The following DNAJB14 variants were observed in gnomAD, a reference collection of about 807,000 sequenced individuals.
The protein encoded by DNAJB14 is DnaJ heat shock protein family (Hsp40) member B14.
DNAJB14 carries 22 observed loss-of-function variants against 48.4 expected under a neutral mutation model. The observed-to-expected ratio is 0.45, with a 90% CI of 0.32 to 0.65. DNAJB14 has a LOEUF of 0.65. Among genes scored for constraint, DNAJB14 ranks in the 30% least tolerant of loss-of-function variants. The pLI, the probability that DNAJB14 is intolerant of heterozygous loss-of-function variation, is 0.03. For missense variants in DNAJB14, 319 were observed against 458.8 expected (o/e 0.70, Z 2.78); for synonymous variants, 142 against 158.7 (o/e 0.89, Z 0.79).
chr4:99,938,742 C>T (rs1282175289), intron 1 of DNAJB14, among the ~76,000 whole-genome samples: 1 of 152,046 alleles, frequency 6.6e-6, no homozygotes, highest in Non-Finnish European at 1.5e-5. Context: ...ATTATTCTTG[C>T]AACTTTTCTG....
chr4:99,946,366 G>A (rs1407492313), intron 1 of DNAJB14, 73 bp downstream of exon 1: 1 of 1,546,770 alleles, frequency 6.5e-7, no homozygotes, highest in Non-Finnish European at 8.7e-7. Flanking sequence ...AGGAGGGGCC[G>A]AGGTGGGGGC....
At chr4:99,938,532 T>C (rs1221653763) in intron 1 of DNAJB14, among the ~76,000 whole-genome samples, 1 of 151,856 alleles carries the variant, frequency 6.6e-6, no homozygotes, top group Non-Finnish European at 1.5e-5. Context: ...CTACTGTTAA[T>C]TGGTTCCAGA....
Position 99,946,508 on chromosome 4 carries a change from C to T in DNAJB14, c.64G>A (p.Gly22Ser), listed in dbSNP as rs771164416. Reference sequence around the variant, plus strand: ...AAGCGCTGGGCCTTCTCGCGGTTGCCGGCGTTCAGGGCCTCCCGGGCGATC... The same window carrying T: ...AAGCGCTGGGCCTTCTCGCGGTTGCTGGCGTTCAGGGCCTCCCGGGCGATC... The part of the protein sequence containing the change: ...VEIAREALNA[G>S]NREKAQRFLQ... The change falls in exon 1 of 8, where the codon GGC becomes AGC. Residue 22 changes from glycine to serine, a missense_variant. This residue lies in a region of DNAJB14 where 116 missense variants were observed against 134.6 expected (regional missense o/e 0.86). Coordinates refer to ENST00000442697, the MANE Select transcript of DNAJB14 (RefSeq NM_001031723.4). 1.9e-6 allele frequency: 3 copies of T among 1,613,834 alleles called. No individual in the cohort carries two copies. Among genetic ancestry groups the T allele is most frequent in the Non-Finnish European group, 2.5e-6 (3 of 1,179,812 alleles).
At chr4:99,902,944 C>T (rs1725343321) in intron 7 of DNAJB14, among the ~76,000 whole-genome samples, 1 of 152,114 alleles carries the variant, frequency 6.6e-6, no homozygotes, top group Admixed American at 6.6e-5. Flanking sequence ...TAAATGATAG[C>T]TATTATTTCC....
chr4:99,927,507 T>C (rs1404495144), intron 2 of DNAJB14: 1 of 152,186 alleles, frequency 6.6e-6, no homozygotes, highest in Non-Finnish European at 1.5e-5. Context: ...AATACAATGA[T>C]ACTCCAGTTA....
At chr4:99,931,154 A>C (rs112056540) in intron 1 of DNAJB14, among the ~76,000 whole-genome samples, 1 of 152,204 alleles carries the variant, frequency 6.6e-6, no homozygotes, top group Non-Finnish European at 1.5e-5. Flanking sequence ...ACTAGAGGAT[A>C]CTGTAATATA....
At chr4:99,937,978 C>A (rs1156414135) in intron 1 of DNAJB14, among the ~76,000 whole-genome samples, 2 of 150,120 alleles carry the variant, frequency 1.3e-5, no homozygotes, top group South Asian at 4.2e-4. Flanking sequence ...CTGGCCTAGG[C>A]CAGGCACGGT....
At position 99,946,541 on chromosome 4, in the gene DNAJB14, A is replaced by G. The variant is rs1295936274; in HGVS notation, c.31T>C (p.Cys11Arg). 3 of 1,613,702 alleles carry G rather than the reference A, an allele frequency of 1.9e-6. No homozygotes were observed. The highest frequency in any genetic ancestry group is 2.5e-6 in the Non-Finnish European group (3 of 1,179,762). MEGNRDEAEK[C>R]VEIAREALNA... The stretch of plus-strand genomic sequence containing the variant: ...AGGGCCTCCCGGGCGATCTCGACAC[A>G]TTTCTCAGCCTCATCCCTGTTCCCC... Residue 11 changes from cysteine (C) to arginine (R), a missense_variant, in exon 1 of 8, where the codon TGT becomes CGT. This residue lies in a region of DNAJB14 where 116 missense variants were observed against 134.6 expected (regional missense o/e 0.86). Transcript: ENST00000442697.
chr4:99,900,621 G>A lies in DNAJB14; in HGVS notation c.*407C>T, dbSNP rs1286268449. The A allele has an allele frequency of 1.3e-5, 2 of 153,804 alleles. No homozygotes were observed. The highest frequency in any genetic ancestry group is 2.9e-5 in the Non-Finnish European group (2 of 68,900). 9.5% of individuals were successfully genotyped at this position (153,804 alleles called of 1,614,324 possible). On this transcript the variant is annotated 3_prime_UTR_variant, in exon 8 of 8. Coordinates refer to ENST00000442697, the MANE Select transcript of DNAJB14 (RefSeq NM_001031723.4). ...TTATTCCATCAATTTAAACTGAAGT[G>A]TCTCATGGAGCTAAACACTAAAAGA...
At chr4:99,913,777 C>T (rs1308728311) in intron 3 of DNAJB14, among the ~76,000 whole-genome samples, 2 of 152,062 alleles carry the variant, frequency 1.3e-5, no homozygotes, top group Admixed American at 1.3e-4. Context: ...GTTTGGTAGA[C>T]TTCTTCAATA....
intron 1 of DNAJB14, among the ~76,000 whole-genome samples, chr4:99,943,202 T>C (rs1450840406): frequency 6.6e-6 from 1 of 152,176 alleles, no homozygotes; most frequent in Non-Finnish European, 1.5e-5. Flanking sequence ...AAGTAATTTG[T>C]CACTGGTGAA....
intron 7 of DNAJB14, among the ~76,000 whole-genome samples, chr4:99,902,157 A>C (rs62305057): frequency 0.045 from 6,905 of 152,228 alleles, 225 homozygotes; most frequent in Middle Eastern, 0.12. Flanking sequence ...AACGAATGGC[A>C]GAGTCTAGAT....
intron 3 of DNAJB14, among the ~76,000 whole-genome samples, chr4:99,912,991 T>C (rs1420040475): frequency 6.6e-6 from 1 of 152,238 alleles, no homozygotes; most frequent in Non-Finnish European, 1.5e-5. Flanking sequence ...TAAATATTCA[T>C]TGCTAGTAAA....
At chr4:99,910,308 C>T (rs537455068) in intron 3 of DNAJB14, 2 of 151,990 alleles carry the variant, frequency 1.3e-5, no homozygotes, top group East Asian at 3.9e-4. Context: ...TGAGTTATTT[C>T]AAAGGGAAAG....
intron 6 of DNAJB14, among the ~76,000 whole-genome samples, chr4:99,905,250 T>G (rs1725423786): frequency 6.6e-6 from 1 of 152,130 alleles, no homozygotes; most frequent in Non-Finnish European, 1.5e-5. Flanking sequence ...CTTAATGATA[T>G]AAATCTATGT....
chr4:99,902,960 C>T (rs1725344048), intron 7 of DNAJB14, among the ~76,000 whole-genome samples: 1 of 152,064 alleles, frequency 6.6e-6, no homozygotes, highest in African/African-American at 2.4e-5. Flanking sequence ...TTTCCTCCTC[C>T]CACTCATCAT....
chr4:99,910,530 A>G (rs939722490), intron 3 of DNAJB14, among the ~76,000 whole-genome samples: 49 of 152,074 alleles, frequency 3.2e-4, no homozygotes, highest in African/African-American at 1.2e-3. Flanking sequence ...CTATTAATAT[A>G]TAGGCAACCC....
chr4:99,919,650 C>T (rs561362133), intron 3 of DNAJB14, among the ~76,000 whole-genome samples: 82 of 152,104 alleles, frequency 5.4e-4, no homozygotes, highest in Non-Finnish European at 9.4e-4. Flanking sequence ...TTCTTTGAAT[C>T]CTGAGGTCCC....
In DNAJB14 at chr4:99,900,999, C is replaced by G. The variant is rs763369578; in HGVS notation, c.*29G>C. The G allele has an allele frequency of 1.9e-6, 3 of 1,591,974 alleles. No homozygotes were observed. Among genetic ancestry groups the G allele is most frequent in the African/African-American group, 2.7e-5 (2 of 73,294 alleles). On this transcript the variant is annotated 3_prime_UTR_variant, in exon 8 of 8. Coordinates refer to ENST00000442697, the MANE Select transcript of DNAJB14 (RefSeq NM_001031723.4). ...TTACTTACAGAAAAAATAAAGAGTA[C>G]GCTAAAAGGTATAAATAAAAATTCC...
Sources: gnomAD v4.1 joint callset for allele counts (sites outside exome capture counted in the v4.1 genomes callset) on GRCh38, gnomAD v4.1.1 for gene constraint, gnomAD v4.1.1 regional missense constraint, MANE v1.5 for transcripts, NCBI Gene and HGNC (gene_info 2026-07-23, HGNC 2026-07-21) for gene names.